FAM133A: variants seen among roughly 807,000 people sequenced by gnomAD.
The protein encoded by FAM133A is protein FAM133A.
For missense variants in FAM133A, 159 were observed against 164.4 expected (o/e 0.97, Z 0.18); for synonymous variants, 65 against 58.6 (o/e 1.11, Z -0.50).
At chrX:93,692,529 A>C (rs888716439) in intron 2 of FAM133A, among the ~76,000 whole-genome samples, 2 of 111,949 alleles carry the variant, frequency 1.8e-5, no homozygotes, top group African/African-American at 6.5e-5. Context: ...TGAATAGACT[A>C]TGTTTAGCAT....
rs903201773 is a variant in FAM133A at position 93,710,962 on chromosome X, CT to C, written c.*797del. 2.4e-5 allele frequency: 3 copies of C among 122,754 alleles called. No homozygotes were observed. Among genetic ancestry groups the C allele is most frequent in the African/African-American group, 9.8e-5 (3 of 30,675 alleles). 10.1% of individuals were successfully genotyped at this position (122,754 alleles called of 1,213,427 possible). On this transcript the variant is annotated 3_prime_UTR_variant, in exon 4 of 4. Transcript: ENST00000683942. ...GTATGGGAACCATTCTAAACAGACCCTGATGTTGTTTGATTAAGAAATATTC... is the reference window on the plus strand; with the variant it reads ...GTATGGGAACCATTCTAAACAGACCCGATGTTGTTTGATTAAGAAATATTC...
intron 2 of FAM133A, among the ~76,000 whole-genome samples, chrX:93,697,261 G>A (rs1021348212): frequency 1.8e-5 from 2 of 108,139 alleles, no homozygotes; most frequent in African/African-American, 6.7e-5. Flanking sequence ...CAGGTGGTCA[G>A]TGGGTATTAT....
intron 3 of FAM133A, among the ~76,000 whole-genome samples, chrX:93,703,359 A>G (rs557242655): frequency 2.7e-5 from 3 of 111,054 alleles, no homozygotes; most frequent in African/African-American, 9.8e-5. Context: ...TGGGACAGTA[A>G]AAGGACTTAG....
At chrX:93,696,963 C>T (rs981120518) in intron 2 of FAM133A, among the ~76,000 whole-genome samples, 3 of 109,305 alleles carry the variant, frequency 2.7e-5, no homozygotes, top group African/African-American at 1.0e-4. Flanking sequence ...GGGTTACAAC[C>T]AGGAAGTGTA....
chrX:93,711,297 G>T lies in FAM133A; in HGVS notation c.*1131G>T, dbSNP rs984325855. 4.9e-5 allele frequency: 6 copies of T among 121,974 alleles called. No homozygotes were observed. Among genetic ancestry groups the T allele is most frequent in the African/African-American group, 2.0e-4 (6 of 30,365 alleles). The allele number at this position is 121,974 out of a possible 1,213,427, so 10.1% of individuals were successfully genotyped here. A position where few individuals can be genotyped will look rare whatever the true frequency, so the allele number is the denominator to read the frequency against. Reference sequence around the variant, plus strand: ...ACATGAAACTACTGCCAAAATCTTAGTAAGATTGTTGTTGAAAAGATTGTT... The same window carrying T: ...ACATGAAACTACTGCCAAAATCTTATTAAGATTGTTGTTGAAAAGATTGTT... On this transcript the variant is annotated 3_prime_UTR_variant, in exon 4 of 4. Transcript: ENST00000683942.
At chrX:93,689,752 C>T (rs1392071147) in intron 2 of FAM133A, among the ~76,000 whole-genome samples, 2 of 110,655 alleles carry the variant, frequency 1.8e-5, no homozygotes, top group African/African-American at 3.3e-5. Context: ...AGGTAGATTG[C>T]TTTAGCACCT....
At chrX:93,704,467 A>C (rs989817443) in intron 3 of FAM133A, among the ~76,000 whole-genome samples, 1 of 111,659 alleles carries the variant, frequency 9.0e-6, no homozygotes, top group Admixed American at 9.6e-5. Context: ...TATTTGCAGA[A>C]GAGTTGAATG....
intron 2 of FAM133A, among the ~76,000 whole-genome samples, chrX:93,685,775 C>T (rs1415404306): frequency 9.0e-6 from 1 of 111,353 alleles, no homozygotes; most frequent in Non-Finnish European, 1.9e-5. Context: ...ATCTTCCAAC[C>T]TCAAGCTCTC....
At chrX:93,691,889 C>T (rs1925916400) in intron 2 of FAM133A, among the ~76,000 whole-genome samples, 1 of 110,867 alleles carries the variant, frequency 9.0e-6, no homozygotes, top group African/African-American at 3.3e-5. Context: ...GCTAAATGAG[C>T]TAAGGGTGGG....
chrX:93,684,927 C>T (rs778876535), intron 2 of FAM133A, among the ~76,000 whole-genome samples: 2 of 111,759 alleles, frequency 1.8e-5, no homozygotes, highest in African/African-American at 6.5e-5. Context: ...ATACTGGCTG[C>T]TCTGAGGTAT....
upstream of FAM133A, chrX:93,674,048 G>C (rs1290383111): frequency 9.3e-6 from 1 of 107,144 alleles, no homozygotes; most frequent in Non-Finnish European, 1.9e-5. Flanking sequence ...GCGTCATTGG[G>C]TAGTGTGACT....
intron 2 of FAM133A, among the ~76,000 whole-genome samples, chrX:93,681,232 T>C (rs750952909): frequency 3.6e-5 from 4 of 110,747 alleles, no homozygotes; most frequent in Admixed American, 9.8e-5. Flanking sequence ...TAGATATATC[T>C]TATGTGCATA....
rs1225055183 is a variant in FAM133A, at chrX:93,710,619, A to G, written c.*453A>G. 8.1e-6 allele frequency: 1 copy of G among 123,937 alleles called. No individual in the cohort carries two copies. The highest frequency in any genetic ancestry group is 1.8e-5 in the Non-Finnish European group (1 of 54,143). The allele number at this position is 123,937 out of a possible 1,213,427, so 10.2% of individuals were successfully genotyped here. The stretch of plus-strand genomic sequence containing the variant: ...TTCATTTTCCTTTTTTCTTTAATGA[A>G]TCTTTGTTTACATGGGGAAAGAGCA... On this transcript the variant is annotated 3_prime_UTR_variant, in exon 4 of 4. Transcript: ENST00000683942.
At chrX:93,700,942 T>C (rs757206055) in intron 3 of FAM133A, among the ~76,000 whole-genome samples, 120 of 111,622 alleles carry the variant, frequency 1.1e-3, no homozygotes, top group African/African-American at 3.7e-3. Context: ...CAAATAGATA[T>C]GTTTTGAATT....
intron 2 of FAM133A, among the ~76,000 whole-genome samples, chrX:93,679,976 A>C (rs1925015107): frequency 2.5e-5 from 2 of 81,293 alleles, no homozygotes; most frequent in Non-Finnish European, 4.4e-5. Context: ...ACAGGGTTTC[A>C]CCATATTAGC....
intron 3 of FAM133A, among the ~76,000 whole-genome samples, chrX:93,702,218 C>A (rs1243501355): frequency 9.0e-6 from 1 of 111,204 alleles, no homozygotes; most frequent in Non-Finnish European, 1.9e-5. Context: ...TTTCTATTAT[C>A]GTTCTGCAGT....
intron 3 of FAM133A, among the ~76,000 whole-genome samples, chrX:93,701,415 G>A (rs1471730973): frequency 8.9e-6 from 1 of 111,790 alleles, no homozygotes; most frequent in Admixed American, 9.5e-5. Flanking sequence ...AATGGGCAGA[G>A]AACATAGGGC....
chrX:93,705,892 A>G (rs1015786981), intron 3 of FAM133A, among the ~76,000 whole-genome samples: 1 of 111,520 alleles, frequency 9.0e-6, no homozygotes, highest in Non-Finnish European at 1.9e-5. Context: ...GTAAAAAAAA[A>G]CACAAAAGAA....
At chrX:93,695,729 C>T (rs1438389135) in intron 2 of FAM133A, among the ~76,000 whole-genome samples, 2 of 102,520 alleles carry the variant, frequency 2.0e-5, no homozygotes, top group East Asian at 3.1e-4. Flanking sequence ...GCAAGCTCCG[C>T]CTCCCGGGTT....
Sources: allele counts gnomAD v4.1 joint callset (sites outside exome capture counted in the v4.1 genomes callset), GRCh38; gene constraint gnomAD v4.1.1; transcripts MANE v1.5; gene names NCBI Gene and HGNC (gene_info 2026-07-23, HGNC 2026-07-21).